The following SEMA3A variants were observed in gnomAD, a reference collection of about 807,000 sequenced individuals.
SEMA3A encodes the protein semaphorin-3A.
Under a neutral mutation model 97.9 loss-of-function variants are expected in SEMA3A, and 29 were observed. That is an observed-to-expected ratio of 0.30 (90% CI 0.22 to 0.40). The LOEUF is 0.40. Among genes scored for constraint, SEMA3A ranks in the 10% least tolerant of loss-of-function variants. SEMA3A has a pLI of 1.00. For missense variants in SEMA3A, 763 were observed against 951.3 expected (o/e 0.80, Z 2.60); for synonymous variants, 321 against 323.7 (o/e 0.99, Z 0.09).
intron 1 of SEMA3A, among the ~76,000 whole-genome samples, chr7:84,179,805 A>G (rs536371315): frequency 4.6e-5 from 7 of 151,878 alleles, no homozygotes; most frequent in African/African-American, 1.7e-4. Context: ...AGAGTGTAAT[A>G]TTATGAAGAC....
intron 4 of SEMA3A, among the ~76,000 whole-genome samples, chr7:84,069,807 A>G (rs1018062877): frequency 2.0e-5 from 3 of 152,152 alleles, no homozygotes; most frequent in African/African-American, 4.8e-5. Flanking sequence ...AAAGTCATTT[A>G]TATGAATAGA....
At chr7:84,404,033 A>G (rs1427527161) in intron 1 of SEMA3A, among the ~76,000 whole-genome samples, 2 of 152,202 alleles carry the variant, frequency 1.3e-5, no homozygotes, top group Non-Finnish European at 2.9e-5. Context: ...AACAGAACAA[A>G]GCTGGACGGA....
intron 3 of SEMA3A, among the ~76,000 whole-genome samples, chr7:84,111,400 A>G (rs1448385660): frequency 4.6e-5 from 7 of 152,156 alleles, no homozygotes; most frequent in Non-Finnish European, 1.5e-5. Flanking sequence ...GGAGCTTACA[A>G]CTGAGGTGGT....
chr7:84,057,409 T>C (rs1435948995), intron 5 of SEMA3A, among the ~76,000 whole-genome samples: 8 of 152,124 alleles, frequency 5.3e-5, no homozygotes, highest in Non-Finnish European at 2.9e-5. Flanking sequence ...TTGCTATCTT[T>C]AGTAAAAGAT....
intron 10 of SEMA3A, 23 bp from the exon 11 acceptor site, chr7:84,005,581 A>T: frequency 1.4e-6 from 2 of 1,449,242 alleles, no homozygotes; most frequent in Non-Finnish European, 1.9e-6. Flanking sequence ...AGAGAAAATT[A>T]TCTTTTGATT....
intron 2 of SEMA3A, among the ~76,000 whole-genome samples, chr7:84,310,533 T>C (rs1801287793): frequency 6.6e-6 from 1 of 152,116 alleles, no homozygotes; most frequent in Admixed American, 6.5e-5. Flanking sequence ...AAATAGATGA[T>C]AATTCTTTAT....
intron 1 of SEMA3A, among the ~76,000 whole-genome samples, chr7:84,152,463 A>G (rs1179957263): frequency 2.2e-5 from 3 of 138,360 alleles, no homozygotes; most frequent in Non-Finnish European, 4.6e-5. Context: ...AACACCGCGT[A>G]TTCTCACTCA....
chr7:84,320,228 C>G (rs911208421), intron 2 of SEMA3A, among the ~76,000 whole-genome samples: 2 of 152,084 alleles, frequency 1.3e-5, no homozygotes, highest in African/African-American at 4.8e-5. Flanking sequence ...ATATTATAAT[C>G]TCCTTCCTTC....
At chr7:84,408,451 T>G (rs1029123378) in intron 1 of SEMA3A, among the ~76,000 whole-genome samples, 7 of 151,680 alleles carry the variant, frequency 4.6e-5, no homozygotes, top group African/African-American at 7.3e-5. Context: ...GGTGGGACTG[T>G]AAACTAGTTC....
chr7:84,084,793 A>G (rs903691262), intron 4 of SEMA3A, among the ~76,000 whole-genome samples: 1 of 152,158 alleles, frequency 6.6e-6, no homozygotes, highest in African/African-American at 2.4e-5. Flanking sequence ...TGGTTTTAAA[A>G]AATCAGCATT....
At chr7:84,452,524 C>T (rs935145498) in intron 1 of SEMA3A, among the ~76,000 whole-genome samples, 2 of 152,038 alleles carry the variant, frequency 1.3e-5, no homozygotes, top group South Asian at 2.1e-4. Context: ...GTGGCATGAT[C>T]GATAATACAA....
At chr7:84,045,960 G>A (rs1792332368) in intron 6 of SEMA3A, among the ~76,000 whole-genome samples, 1 of 103,822 alleles carries the variant, frequency 9.6e-6, no homozygotes. Context: ...GAAACAATAA[G>A]AGATGTAAAG....
At chr7:84,210,918 AT>A (rs201320820) in intron 3 of SEMA3A, among the ~76,000 whole-genome samples, 35 of 151,306 alleles carry the variant, frequency 2.3e-4, no homozygotes, top group South Asian at 1.0e-3. Context: ...TGCAAATAAT[AT>A]TTTTTTTTAA....
chr7:84,265,024 C>T (rs1799955499), intron 3 of SEMA3A, among the ~76,000 whole-genome samples: 1 of 152,122 alleles, frequency 6.6e-6, no homozygotes, highest in Non-Finnish European at 1.5e-5. Flanking sequence ...CTACCAATAG[C>T]ACCCACTTCC....
At chr7:84,332,073 T>C (rs1193639476) in intron 2 of SEMA3A, among the ~76,000 whole-genome samples, 1 of 152,144 alleles carries the variant, frequency 6.6e-6, no homozygotes, top group African/African-American at 2.4e-5. Flanking sequence ...TCTTCCTCTT[T>C]AGTTAAGTTA....
At chr7:84,061,949 C>T (rs199630228) in intron 4 of SEMA3A, among the ~76,000 whole-genome samples, 6 of 152,084 alleles carry the variant, frequency 3.9e-5, no homozygotes, top group Admixed American at 3.3e-4. Flanking sequence ...TAGTGGAAAA[C>T]GCAATGAGCC....
At chr7:84,334,772 CTT>C (rs752431528) in intron 2 of SEMA3A, among the ~76,000 whole-genome samples, 15 of 151,030 alleles carry the variant, frequency 9.9e-5, no homozygotes, top group African/African-American at 3.4e-4. Flanking sequence ...CATCTTCTCT[CTT>C]GTTTTCCTCT....
chr7:84,303,593 C>T (rs955342287), intron 3 of SEMA3A, among the ~76,000 whole-genome samples: 1 of 151,770 alleles, frequency 6.6e-6, no homozygotes, highest in African/African-American at 2.4e-5. Context: ...AGATAGTCCC[C>T]GACCTGGCAC....
intron 5 of SEMA3A, among the ~76,000 whole-genome samples, chr7:84,050,424 C>T (rs1792571335): frequency 1.3e-5 from 2 of 152,048 alleles, no homozygotes; most frequent in South Asian, 4.2e-4. Context: ...GATGGTATCT[C>T]ATTGTGATTT....
Sources: gnomAD v4.1 joint callset for allele counts (sites outside exome capture counted in the v4.1 genomes callset) on GRCh38, gnomAD v4.1.1 for gene constraint, MANE v1.5 for transcripts, NCBI Gene and HGNC (gene_info 2026-07-23, HGNC 2026-07-21) for gene names.